Variants in INPP5A observed in about 807,000 individuals in gnomAD.
The protein encoded by INPP5A is inositol polyphosphate-5-phosphatase A, also known as 43 kDa inositol polyphosphate 5-phophatase.
INPP5A carries 14 observed loss-of-function variants against 65.2 expected under a neutral mutation model. The ratio of observed to expected loss-of-function variants is 0.21; its 90% CI spans 0.14 to 0.34. The LOEUF is 0.34. Among genes scored for constraint, INPP5A ranks in the 10% least tolerant of loss-of-function variants. INPP5A has a pLI of 1.00. For synonymous variants in INPP5A, 207 were observed against 208.3 expected, an observed-to-expected ratio of 0.99 and a Z score of 0.05; for missense variants, 431 against 545.6, an observed-to-expected ratio of 0.79 and a Z score of 2.09.
intron 8 of INPP5A, among the ~76,000 whole-genome samples, chr10:132,719,062 C>T (rs1845806132): frequency 6.7e-6 from 1 of 148,250 alleles, no homozygotes; most frequent in Non-Finnish European, 1.5e-5. Context: ...GCGCCTTAGA[C>T]GGCTGTCTCG....
intron 12 of INPP5A, among the ~76,000 whole-genome samples, chr10:132,769,529 A>T (rs1846912478): frequency 6.6e-6 from 1 of 152,204 alleles, no homozygotes; most frequent in South Asian, 2.1e-4. Context: ...ATCGGGTGTG[A>T]CGTGTTAAAG....
Position 132,749,632 on chromosome 10 carries a change from G to A in INPP5A, c.828+20G>A. On this transcript the variant is annotated intron_variant, in intron 10 of 15. Transcript: ENST00000368594. ...CGGAAGGTGAGCGGGGCCTGTGACT[G>A]GGCAGGTGACGCACGGGGCCTGCGC... 6.2e-7 allele frequency: 1 copy of A among 1,610,800 alleles called. No homozygotes were observed. The highest frequency in any genetic ancestry group is 8.5e-7 in the Non-Finnish European group (1 of 1,178,068).
At chr10:132,640,567 C>T (rs1425450856) in intron 2 of INPP5A, among the ~76,000 whole-genome samples, 2 of 152,252 alleles carry the variant, frequency 1.3e-5, no homozygotes, top group East Asian at 1.9e-4. Context: ...ATCACTTCTC[C>T]AGGCTCTGAC....
Position 132,769,680 on chromosome 10 carries a change from A to C in INPP5A, c.977+3834A>C, listed in dbSNP as rs558097732. Among the ~76,000 whole-genome samples, 85 of 152,240 alleles carry C rather than the reference A, an allele frequency of 5.6e-4. 2 individuals are homozygous for C. The highest frequency in any genetic ancestry group is 4.6e-3 in the Admixed American group (70 of 15,300). ...GGCGTCAGCCCTTAGTGGTGAGCAGAGGCGGCGATGGGCTTTCTTCACCCA... is the reference window on the plus strand; with the variant it reads ...GGCGTCAGCCCTTAGTGGTGAGCAGCGGCGGCGATGGGCTTTCTTCACCCA... On this transcript the variant is annotated intron_variant, in intron 12 of 15. Coordinates refer to ENST00000368594, the MANE Select transcript of INPP5A (RefSeq NM_005539.5).
At chr10:132,559,322 C>G (rs187079169) in intron 1 of INPP5A, among the ~76,000 whole-genome samples, 2 of 152,344 alleles carry the variant, frequency 1.3e-5, no homozygotes, top group Admixed American at 6.5e-5. Flanking sequence ...TTGGGGAAGC[C>G]TGTGTTGGCT....
In INPP5A at chr10:132,651,552, TCCC is replaced by T. The variant is rs967167555; in HGVS notation, c.306+1050_306+1052del. 6.6e-6 allele frequency among the ~76,000 whole-genome samples: 1 copy of T among 152,078 alleles called. No individual in the cohort carries two copies. The highest frequency in any genetic ancestry group is 1.5e-5 in the Non-Finnish European group (1 of 67,982). On this transcript the variant is annotated intron_variant, in intron 4 of 15. Coordinates refer to ENST00000368594, the MANE Select transcript of INPP5A (RefSeq NM_005539.5). The surrounding 1 kb of genome is among the most constrained non-coding windows in gnomAD (Gnocchi z 5.0). ...TCTCTGGAGAGGCCCTGCATCCTTC[TCCC>T]CCATCTCTGGCCTTCTGTCCCCAGC...
At chr10:132,593,020 G>A (rs2071638094) in intron 1 of INPP5A, among the ~76,000 whole-genome samples, 1 of 152,182 alleles carries the variant, frequency 6.6e-6, no homozygotes. Flanking sequence ...ATTTCCCTGT[G>A]GTTGTAGGAC....
chr10:132,712,732 G>A (rs1350225178), intron 8 of INPP5A, among the ~76,000 whole-genome samples: 1 of 151,804 alleles, frequency 6.6e-6, no homozygotes, highest in Admixed American at 6.6e-5. Flanking sequence ...GTATGCATGT[G>A]TAGGTGTGTG....
At chr10:132,632,486 A>G (rs1343598243) in intron 2 of INPP5A, among the ~76,000 whole-genome samples, 1 of 152,200 alleles carries the variant, frequency 6.6e-6, no homozygotes, top group Non-Finnish European at 1.5e-5. Context: ...TCAGGAAGGC[A>G]TGTGCCGAAG....
chr10:132,630,477 G>T (rs1470413527), intron 2 of INPP5A, among the ~76,000 whole-genome samples: 2 of 151,918 alleles, frequency 1.3e-5, no homozygotes, highest in Admixed American at 6.6e-5. Context: ...CTAGGGAAAG[G>T]CATACATGAA....
At position 132,755,115 on chromosome 10, in the gene INPP5A, T is replaced by C. The variant is rs542187281; in HGVS notation, c.903+5270T>C. ...CATGTGAGCAGGCAAGTGTGTGAGCTGGCGTGTGAGCAGGTGTGTCAGCAT... is the reference window on the plus strand; with the variant it reads ...CATGTGAGCAGGCAAGTGTGTGAGCCGGCGTGTGAGCAGGTGTGTCAGCAT... On this transcript the variant is annotated intron_variant, in intron 11 of 15. Coordinates refer to ENST00000368594, the MANE Select transcript of INPP5A (RefSeq NM_005539.5). 2.6e-5 allele frequency among the ~76,000 whole-genome samples: 4 copies of C among 151,112 alleles called. No homozygotes were observed. In the East Asian group the frequency reaches 5.8e-4, roughly 22 times the overall value.
At chr10:132,558,992 C>T (rs2071164453) in intron 1 of INPP5A, among the ~76,000 whole-genome samples, 1 of 152,196 alleles carries the variant, frequency 6.6e-6, no homozygotes, top group Non-Finnish European at 1.5e-5. Flanking sequence ...GCCTTCCTCC[C>T]AGACCCATCG....
chr10:132,726,558 C>T (rs1463107212), intron 8 of INPP5A, among the ~76,000 whole-genome samples: 6 of 152,238 alleles, frequency 3.9e-5, no homozygotes, highest in Non-Finnish European at 8.8e-5. Flanking sequence ...GCAGCTGAGA[C>T]TCTGCCTTTC....
chr10:132,539,160 C>T (rs1199668468), intron 1 of INPP5A, among the ~76,000 whole-genome samples: 2 of 152,186 alleles, frequency 1.3e-5, no homozygotes, highest in African/African-American at 4.8e-5. Flanking sequence ...ACCCTTGACT[C>T]CCACCCCTGG....
At chr10:132,672,339 A>G (rs1590913744) in intron 4 of INPP5A, among the ~76,000 whole-genome samples, 1 of 152,154 alleles carries the variant, frequency 6.6e-6, no homozygotes, top group East Asian at 1.9e-4. Context: ...GGATGGAATA[A>G]TATGGTTTGG....
chr10:132,596,916 T>C (rs1302302059), intron 1 of INPP5A, among the ~76,000 whole-genome samples: 415 of 31,320 alleles, frequency 0.013, 2 homozygotes, highest in African/African-American at 0.024. Flanking sequence ...CATGTGTGCA[T>C]GTGTGCGCGC....
intron 1 of INPP5A, among the ~76,000 whole-genome samples, chr10:132,596,926 CATGTGCACGCATGTGTGCGT>C (rs1218152069): frequency 2.8e-5 from 1 of 35,960 alleles, no homozygotes; most frequent in African/African-American, 7.5e-5. Context: ...TGTGTGCGCG[CATGTGCACGCATGTGTGCGT>C]GTGTGCACAC....
rs867652986 is a variant in INPP5A at position 132,623,410 on chromosome 10, T to C, written c.117+15454T>C. ...AGAAAGGAACAGTTTTTTTTTTTTT[T>C]CAACAAATTGTGCAGGAACAATAGG... is the stretch of plus-strand genomic sequence containing the variant. On this transcript the variant is annotated intron_variant, in intron 2 of 15. Coordinates refer to ENST00000368594, the MANE Select transcript of INPP5A (RefSeq NM_005539.5). Among the ~76,000 whole-genome samples the C allele has an allele frequency of 9.9e-4, 150 of 151,762 alleles. 1 individual carries two copies. Among genetic ancestry groups the C allele is most frequent in the Non-Finnish European group, 1.4e-3 (98 of 67,942 alleles).
rs939370365 is a variant in INPP5A at position 132,550,247 on chromosome 10, C to T, written c.75+12076C>T. On this transcript the variant is annotated intron_variant, in intron 1 of 15. Coordinates refer to ENST00000368594, the MANE Select transcript of INPP5A (RefSeq NM_005539.5). The surrounding 1 kb of genome is among the most constrained non-coding windows in gnomAD (Gnocchi z 4.2). ...CCACTGTTTAGGGTCAGAGTGGTCC[C>T]GCAGGTTAATTCACTTCACCCAGCC... Among the ~76,000 whole-genome samples, 5 of 152,164 alleles carry T rather than the reference C, an allele frequency of 3.3e-5. No individual in the cohort carries two copies.
Sources: allele counts gnomAD v4.1 joint callset (sites outside exome capture counted in the v4.1 genomes callset), GRCh38; gene constraint gnomAD v4.1.1; non-coding constraint Gnocchi (gnomAD v3.1); transcripts MANE v1.5; gene names NCBI Gene and HGNC (gene_info 2026-07-23, HGNC 2026-07-21).